The following OR51B5 variants were observed in gnomAD, a reference collection of about 807,000 sequenced individuals.
The protein encoded by OR51B5 is olfactory receptor family 51 subfamily B member 5.
For synonymous variants in OR51B5, 186 were observed against 144.8 expected, an observed-to-expected ratio of 1.28 and a Z score of -2.04; for missense variants, 456 against 374.6, an observed-to-expected ratio of 1.22 and a Z score of -1.79.
At chr11:5,500,705 A>G (rs1243825026) in intron 1 of OR51B5, among the ~76,000 whole-genome samples, 1 of 148,168 alleles carries the variant, frequency 6.7e-6, no homozygotes, top group Non-Finnish European at 1.5e-5. Flanking sequence ...ACCCACTCCT[A>G]ACTATGGTCA....
chr11:5,345,243 A>G (rs11036919), upstream of OR51B5, among the ~76,000 whole-genome samples: 22,416 of 152,240 alleles, frequency 0.15, 2,277 homozygotes, highest in Non-Finnish European at 0.21. Context: ...TAAATTACTC[A>G]CTTAGACTGC....
At chr11:5,423,656 T>G (rs16930671) in intron 1 of OR51B5, among the ~76,000 whole-genome samples, 1,659 of 152,222 alleles carry the variant, frequency 0.011, 31 homozygotes, top group African/African-American at 0.037. Flanking sequence ...ACACATCAAG[T>G]TTTTCTGCCA....
intron 1 of OR51B5, among the ~76,000 whole-genome samples, chr11:5,376,694 A>C (rs1386617384): frequency 3.3e-5 from 5 of 152,242 alleles, no homozygotes; most frequent in Non-Finnish European, 5.9e-5. Context: ...CTACGCAAAT[A>C]AACTAGAAAA....
intron 1 of OR51B5, among the ~76,000 whole-genome samples, chr11:5,361,952 C>G (rs965623198): frequency 6.6e-6 from 1 of 152,156 alleles, no homozygotes; most frequent in Non-Finnish European, 1.5e-5. Flanking sequence ...ATAGGGGACA[C>G]TGTAATGACA....
chr11:5,384,024 C>T (rs1015287746), intron 1 of OR51B5: 3 of 152,168 alleles, frequency 2.0e-5, no homozygotes, highest in African/African-American at 7.2e-5. Context: ...ATAGGTATCA[C>T]AAAAGCAGTG....
At chr11:5,344,818 TTAAACAA>T (rs1848965109), upstream of OR51B5, among the ~76,000 whole-genome samples, 1 of 152,138 alleles carries the variant, frequency 6.6e-6, no homozygotes, top group Non-Finnish European at 1.5e-5. Flanking sequence ...TAAGACAATT[TTAAACAA>T]ATATAAATGC....
At chr11:5,495,986 C>T (rs117646218) in intron 1 of OR51B5, among the ~76,000 whole-genome samples, 2,171 of 152,190 alleles carry the variant, frequency 0.014, 23 homozygotes, top group Non-Finnish European at 0.02. Context: ...TTAACCTCTC[C>T]ATGAACAGAC....
At chr11:5,363,881 C>A (rs1319728942) in intron 1 of OR51B5, among the ~76,000 whole-genome samples, 1 of 152,080 alleles carries the variant, frequency 6.6e-6, no homozygotes, top group Non-Finnish European at 1.5e-5. Flanking sequence ...CTTTGCAAAC[C>A]CCAGCCCCCA....
intron 1 of OR51B5, chr11:5,455,579 A>AAGAGAGAGGAGAGAGAGAG (rs1440920892): frequency 1.0e-5 from 1 of 97,642 alleles, no homozygotes; most frequent in African/African-American, 4.5e-5. Context: ...GAGAGAGAGA[A>AAGAGAGAGGAGAGAGAGAG]AGAGAAAGAG....
chr11:5,430,358 G>A (rs1379977060), intron 1 of OR51B5, among the ~76,000 whole-genome samples: 1 of 152,016 alleles, frequency 6.6e-6, no homozygotes, highest in Admixed American at 6.5e-5. Context: ...TTTTTGCTAG[G>A]AGTTTTGAGA....
At chr11:5,389,511 G>A (rs371536682) in intron 1 of OR51B5, 2 of 1,613,812 alleles carry the variant, frequency 1.2e-6, no homozygotes, top group Admixed American at 1.7e-5. Context: ...ATCAAACACT[G>A]GATTTTCATC....
chr11:5,377,989 G>A (rs1202184240), intron 1 of OR51B5, among the ~76,000 whole-genome samples: 1 of 151,770 alleles, frequency 6.6e-6, no homozygotes, highest in Non-Finnish European at 1.5e-5. Flanking sequence ...CCAAAAAAGA[G>A]CCTGCATTGC....
intron 1 of OR51B5, among the ~76,000 whole-genome samples, chr11:5,366,713 G>GAGGAA (rs368398766): frequency 0.021 from 3,167 of 151,768 alleles, 108 homozygotes; most frequent in African/African-American, 0.07. Flanking sequence ...AGTAGAGGAG[G>GAGGAA]AGGAAAGGAA....
chr11:5,379,235 C>A (rs1849574182), intron 1 of OR51B5, among the ~76,000 whole-genome samples: 2 of 152,008 alleles, frequency 1.3e-5, no homozygotes, highest in Admixed American at 1.3e-4. Context: ...ACCACATATT[C>A]TCACTCATAG....
intron 1 of OR51B5, among the ~76,000 whole-genome samples, chr11:5,447,057 T>C (rs557619725): frequency 2.0e-5 from 3 of 152,188 alleles, no homozygotes; most frequent in Non-Finnish European, 4.4e-5. Context: ...TACAACAAGT[T>C]GATGCTTTGC....
intron 1 of OR51B5, among the ~76,000 whole-genome samples, chr11:5,464,636 A>G (rs1410289128): frequency 3.3e-5 from 5 of 152,070 alleles, no homozygotes; most frequent in East Asian, 1.9e-4. Context: ...TTATGGCTGC[A>G]TAGTATTCCA....
intron 1 of OR51B5, among the ~76,000 whole-genome samples, chr11:5,488,323 CT>C (rs1851526076): frequency 1.3e-5 from 2 of 152,012 alleles, no homozygotes; most frequent in Non-Finnish European, 2.9e-5. Flanking sequence ...ATGAGACTCC[CT>C]AGGTAAGAGA....
chr11:5,488,544 T>C (rs1285212579), intron 1 of OR51B5: 1 of 601,402 alleles, frequency 1.7e-6, no homozygotes, highest in Admixed American at 3.0e-5. Context: ...TTATATGTGG[T>C]AGTCATTTCA....
At chr11:5,475,013 G>C (rs1229525648) in intron 1 of OR51B5, among the ~76,000 whole-genome samples, 1 of 152,102 alleles carries the variant, frequency 6.6e-6, no homozygotes, top group African/African-American at 2.4e-5. Context: ...TCAATAAATA[G>C]GTGTTTGACT....
Sources: allele counts gnomAD v4.1 joint callset (sites outside exome capture counted in the v4.1 genomes callset), GRCh38; gene constraint gnomAD v4.1.1; transcripts MANE v1.5; gene names NCBI Gene and HGNC (gene_info 2026-07-23, HGNC 2026-07-21).